The following RFX7 variants were observed in gnomAD, a reference collection of about 807,000 sequenced individuals.
The protein encoded by RFX7 is DNA-binding protein RFX7.
RFX7 carries 26 observed loss-of-function variants against 111.8 expected under a neutral mutation model. The ratio of observed to expected loss-of-function variants is 0.23; its 90% CI spans 0.17 to 0.32. The LOEUF (loss-of-function observed/expected upper bound fraction) is 0.32. RFX7 is among the 10% of genes least tolerant of loss of function. The pLI is 1.00. For synonymous variants in RFX7, 624 were observed against 624.4 expected, an observed-to-expected ratio of 1.00 and a Z score of 0.01; for missense variants, 1,573 against 1,772.9, an observed-to-expected ratio of 0.89 and a Z score of 2.02.
At chr15:56,177,730 G>C (rs541498692) in intron 3 of RFX7, among the ~76,000 whole-genome samples, 5 of 152,238 alleles carry the variant, frequency 3.3e-5, no homozygotes, top group Non-Finnish European at 5.9e-5. Context: ...ATATAGACAA[G>C]AACTGTGTCT....
chr15:56,221,887 A>G (rs1233004599), intron 2 of RFX7, among the ~76,000 whole-genome samples: 1 of 152,232 alleles, frequency 6.6e-6, no homozygotes, highest in Non-Finnish European at 1.5e-5. Context: ...GCATTAAACA[A>G]AAAACTGTCT....
intron 5 of RFX7, among the ~76,000 whole-genome samples, chr15:56,117,096 T>TA (rs2042018905): frequency 6.6e-6 from 1 of 152,152 alleles, no homozygotes. Context: ...ATGCTGGTAA[T>TA]ACGAGGGTAT....
chr15:56,145,896 T>C (rs1008131170), intron 3 of RFX7, among the ~76,000 whole-genome samples: 1 of 152,228 alleles, frequency 6.6e-6, no homozygotes, highest in Non-Finnish European at 1.5e-5. Flanking sequence ...TGGCATAAAA[T>C]AACTATGAAC....
intron 2 of RFX7, among the ~76,000 whole-genome samples, chr15:56,201,318 C>T (rs2141181759): frequency 6.6e-6 from 1 of 152,288 alleles, no homozygotes; most frequent in East Asian, 1.9e-4. Context: ...AATCACAGAA[C>T]TTTTCTTATC....
chr15:56,103,712 G>T, intron 5 of RFX7, 42 bp from the exon 6 acceptor site: 1 of 1,182,210 alleles, frequency 8.5e-7, no homozygotes, highest in Non-Finnish European at 1.2e-6. Flanking sequence ...ACAGAATTCA[G>T]AATTATATCG....
At chr15:56,214,472 T>A (rs1377291675) in intron 2 of RFX7, among the ~76,000 whole-genome samples, 2 of 152,056 alleles carry the variant, frequency 1.3e-5, no homozygotes, top group Non-Finnish European at 2.9e-5. Context: ...TCCCAGCACT[T>A]TGGGAGGCCG....
intron 3 of RFX7, among the ~76,000 whole-genome samples, chr15:56,151,625 T>G (rs548803210): frequency 6.6e-6 from 1 of 152,222 alleles, no homozygotes; most frequent in African/African-American, 2.4e-5. Flanking sequence ...GTAAAGAACA[T>G]CGACACTATT....
At chr15:56,215,183 A>G (rs2043351358) in intron 2 of RFX7, among the ~76,000 whole-genome samples, 1 of 152,236 alleles carries the variant, frequency 6.6e-6, no homozygotes, top group Admixed American at 6.5e-5. Flanking sequence ...TCATCTCCAG[A>G]TTCCTTGTAA....
At chr15:56,194,602 A>G (rs767077129) in intron 2 of RFX7, among the ~76,000 whole-genome samples, 4 of 152,074 alleles carry the variant, frequency 2.6e-5, no homozygotes, top group Admixed American at 1.3e-4. Context: ...TTGTTTGCTC[A>G]TATGCTATAA....
intron 5 of RFX7, among the ~76,000 whole-genome samples, chr15:56,138,653 T>C (rs2042342388): frequency 1.3e-5 from 2 of 152,188 alleles, no homozygotes; most frequent in Non-Finnish European, 2.9e-5. Context: ...TTTGATCCTG[T>C]CATTATGATG....
At chr15:56,148,956 GC>G (rs2042525106) in intron 3 of RFX7, among the ~76,000 whole-genome samples, 1 of 152,036 alleles carries the variant, frequency 6.6e-6, no homozygotes, top group Admixed American at 6.6e-5. Context: ...GGTGGTGGGA[GC>G]CTGTAGTCCC....
At chr15:56,116,837 TAC>T (rs1466142538) in intron 5 of RFX7, among the ~76,000 whole-genome samples, 3 of 151,276 alleles carry the variant, frequency 2.0e-5, no homozygotes, top group South Asian at 2.1e-4. Flanking sequence ...ACAAACATTG[TAC>T]AGTTGTACAA....
intron 3 of RFX7, chr15:56,160,739 C>T (rs1365237906): frequency 6.6e-6 from 1 of 151,960 alleles, no homozygotes; most frequent in African/African-American, 2.4e-5. Flanking sequence ...CTCTCAGGCC[C>T]CAGCAGTTCT....
chr15:56,128,371 T>C (rs1019348208), intron 5 of RFX7, among the ~76,000 whole-genome samples: 2 of 152,194 alleles, frequency 1.3e-5, no homozygotes, highest in Non-Finnish European at 2.9e-5. Context: ...GCATACATAA[T>C]GGATTAGATA....
At chr15:56,179,102 T>C (rs1311015893) in intron 3 of RFX7, 168 bp downstream of exon 3, 2 of 269,946 alleles carry the variant, frequency 7.4e-6, no homozygotes. Flanking sequence ...GGTAAGTATC[T>C]AGGTAGCTTA....
intron 3 of RFX7, among the ~76,000 whole-genome samples, chr15:56,145,526 T>C (rs1176573815): frequency 6.6e-6 from 1 of 152,200 alleles, no homozygotes; most frequent in Non-Finnish European, 1.5e-5. Flanking sequence ...TAAAATCCCA[T>C]GGCCTACAGG....
At chr15:56,129,774 G>C (rs1158764685) in intron 5 of RFX7, among the ~76,000 whole-genome samples, 1 of 152,180 alleles carries the variant, frequency 6.6e-6, no homozygotes, top group Non-Finnish European at 1.5e-5. Context: ...GCATAGTTCA[G>C]GCTGAGGTAT....
chr15:56,239,743 C>A (rs1176004492), intron 2 of RFX7, among the ~76,000 whole-genome samples: 1 of 152,064 alleles, frequency 6.6e-6, no homozygotes, highest in African/African-American at 2.4e-5. Flanking sequence ...AGCCTCACTG[C>A]AAATATGTTA....
rs189118313 is a variant in RFX7, at chr15:56,239,429, C to T, written c.161+3696G>A. 4.1e-3 allele frequency among the ~76,000 whole-genome samples: 626 copies of T among 152,008 alleles called. 9 individuals carry two copies. The highest frequency in any genetic ancestry group is 0.015 in the African/African-American group (604 of 41,466). On this transcript the variant is annotated intron_variant, in intron 2 of 9. Coordinates refer to ENST00000559447, the MANE Select transcript of RFX7 (RefSeq NM_022841.7). Reference sequence around the variant, plus strand: ...GATTACAGGTGGGCACCACCACCCTCGGCTAATTTTTTGTATTTTTAGTAG... The same window carrying T: ...GATTACAGGTGGGCACCACCACCCTTGGCTAATTTTTTGTATTTTTAGTAG...
Sources: gnomAD v4.1 joint callset for allele counts (sites outside exome capture counted in the v4.1 genomes callset) on GRCh38, gnomAD v4.1.1 for gene constraint, MANE v1.5 for transcripts, NCBI Gene and HGNC (gene_info 2026-07-23, HGNC 2026-07-21) for gene names.